The following SLCO1B1 variants were observed in gnomAD, a reference collection of about 807,000 sequenced individuals.
The protein encoded by SLCO1B1 is OATP-2.
Under a neutral mutation model 70.1 loss-of-function variants are expected in SLCO1B1, and 81 were observed. The ratio of observed to expected loss-of-function variants is 1.16; its 90% CI spans 0.97 to 1.39. The LOEUF (loss-of-function observed/expected upper bound fraction) is 1.39, where lower values mean the gene tolerates loss of function less well. Ranked by LOEUF, SLCO1B1 falls within the 40% of genes most tolerant of loss-of-function variation. The pLI is 0.00. For missense variants in SLCO1B1, 895 were observed against 799.6 expected (o/e 1.12, Z -1.44); for synonymous variants, 283 against 271.5 (o/e 1.04, Z -0.42).
At chr12:21,150,301 T>G (rs1940453768) in intron 2 of SLCO1B1, among the ~76,000 whole-genome samples, 1 of 152,166 alleles carries the variant, frequency 6.6e-6, no homozygotes, top group Admixed American at 6.5e-5. Context: ...CTGCTGGCTC[T>G]GAAGAGGGCA....
rs1941211145 is a variant in SLCO1B1, at chr12:21,205,990, G to A, written c.1454G>A (p.Cys485Tyr). The A allele has an allele frequency of 1.2e-6, 2 of 1,612,100 alleles. No individual in the cohort carries two copies. Among genetic ancestry groups the A allele is most frequent in the East Asian group, 4.5e-5 (2 of 44,792 alleles). The change falls in exon 11 of 15, where the codon TGT (cysteine) becomes TAT (tyrosine). Residue 485 changes from cysteine (C) to tyrosine (Y), a missense_variant. By Grantham distance (194) the Cys-to-Tyr change is radical. Transcript: ENST00000256958. ...AATGGAATAACTTACATCTCACCCT[G>A]TCTAGCAGGTTGCAAATCTTCAAGT... The part of the protein sequence containing the change: ...GNNGITYISP[C>Y]LAGCKSSSGN...
intron 2 of SLCO1B1, among the ~76,000 whole-genome samples, chr12:21,147,765 T>C (rs1451723325): frequency 3.9e-5 from 6 of 152,188 alleles, no homozygotes. Flanking sequence ...GTCTTTATAG[T>C]AGAATGATTT....
At position 21,164,378 on chromosome 12, in the gene SLCO1B1, C is replaced by A. The variant is rs561495176; in HGVS notation, c.85-8272C>A. 2.0e-5 allele frequency among the ~76,000 whole-genome samples: 3 copies of A among 152,252 alleles called. No individual in the cohort carries two copies. The South Asian group carries it at 6.2e-4, about 32-fold the overall frequency. Reference sequence around the variant, plus strand: ...AGTTATCCGAACTAGAAAACAAAATCAGAATTTACATTTTCTATTTTCCCC... The same window carrying A: ...AGTTATCCGAACTAGAAAACAAAATAAGAATTTACATTTTCTATTTTCCCC... On this transcript the variant is annotated intron_variant, in intron 2 of 14. Coordinates refer to ENST00000256958, the MANE Select transcript of SLCO1B1 (RefSeq NM_006446.5).
Position 21,200,636 on chromosome 12 carries a change from T to G in SLCO1B1, c.1099T>G (p.Tyr367Asp). ...TYVFKYVEQQ[Y>D]GQPSSKANIL... is the part of the protein sequence containing the mutation. ...TGTCTTCAAATACGTAGAGCAACAGTATGGTCAGCCTTCATCTAAGGCTAA... is the reference window on the plus strand; with the variant it reads ...TGTCTTCAAATACGTAGAGCAACAGGATGGTCAGCCTTCATCTAAGGCTAA... The change falls in exon 9 of 15, where the codon TAT becomes GAT. Residue 367 changes from tyrosine to aspartate, a missense_variant. Transcript: ENST00000256958. 2.5e-6 allele frequency: 4 copies of G among 1,612,534 alleles called. No individual in the cohort carries two copies. Among genetic ancestry groups the G allele is most frequent in the Non-Finnish European group, 3.4e-6 (4 of 1,179,110 alleles).
At chr12:21,136,956 G>T (rs117146092) in intron 1 of SLCO1B1, among the ~76,000 whole-genome samples, 382 of 152,166 alleles carry the variant, frequency 2.5e-3, no homozygotes, top group Non-Finnish European at 4.5e-3. Context: ...TCTCATCTTT[G>T]TGGTTTCATC....
At chr12:21,132,334 C>G (rs1940149385) in intron 1 of SLCO1B1, among the ~76,000 whole-genome samples, 1 of 152,112 alleles carries the variant, frequency 6.6e-6, no homozygotes, top group Non-Finnish European at 1.5e-5. Context: ...GATTTATAAT[C>G]CCTTGGGTAT....
At chr12:21,144,444 G>A (rs148971752) in intron 2 of SLCO1B1, among the ~76,000 whole-genome samples, 1 of 152,202 alleles carries the variant, frequency 6.6e-6, no homozygotes, top group African/African-American at 2.4e-5. Flanking sequence ...TGACTCATTG[G>A]CATTCCTGAA....
intron 8 of SLCO1B1, among the ~76,000 whole-genome samples, chr12:21,198,072 T>C (rs1475385560): frequency 1.3e-5 from 2 of 152,184 alleles, no homozygotes; most frequent in Non-Finnish European, 2.9e-5. Flanking sequence ...TCAAGTTTTC[T>C]TTAAAGTAAG....
At position 21,153,418 on chromosome 12, in the gene SLCO1B1, C is replaced by T. The variant is rs79902049; in HGVS notation, c.84+11760C>T. 7.5e-3 allele frequency among the ~76,000 whole-genome samples: 1,140 copies of T among 151,974 alleles called. 12 individuals carry two copies. Among genetic ancestry groups the T allele is most frequent in the African/African-American group, 0.026 (1,064 of 41,462 alleles). The stretch of plus-strand genomic sequence containing the variant: ...AGATTTTTCGTAATAAATTTTTTGC[C>T]AGTAATATTTGTCATAATTGCATTG... On this transcript the variant is annotated intron_variant, in intron 2 of 14. Coordinates refer to ENST00000256958, the MANE Select transcript of SLCO1B1 (RefSeq NM_006446.5).
At chr12:21,152,680 G>C (rs1241739166) in intron 2 of SLCO1B1, among the ~76,000 whole-genome samples, 1 of 151,684 alleles carries the variant, frequency 6.6e-6, no homozygotes, top group Admixed American at 6.6e-5. Flanking sequence ...GAATTGGCTG[G>C]AGCTGGGTAT....
At position 21,178,966 on chromosome 12, in the gene SLCO1B1, A is replaced by T; in HGVS notation, c.673A>T (p.Thr225Ser). The T allele has an allele frequency of 6.2e-7, 1 of 1,612,472 alleles. No individual in the cohort carries two copies. Among genetic ancestry groups the T allele is most frequent in the Non-Finnish European group, 8.5e-7 (1 of 1,178,872 alleles). ...IAMIGPIIGF[T>S]LGSLFSKMYV... The stretch of plus-strand genomic sequence containing the variant: ...AATGATTGGTCCAATCATTGGCTTT[A>T]CCCTGGGATCTCTGTTTTCTAAAAT... Residue 225 changes from threonine (T) to serine (S), a missense_variant, in exon 7 of 15, where the codon ACC becomes TCC. Thr to Ser is a moderately conservative substitution (Grantham distance 58). Coordinates refer to ENST00000256958, the MANE Select transcript of SLCO1B1 (RefSeq NM_006446.5).
chr12:21,222,988 C>T (rs891557361), intron 13 of SLCO1B1, among the ~76,000 whole-genome samples: 1 of 152,110 alleles, frequency 6.6e-6, no homozygotes, highest in Non-Finnish European at 1.5e-5. Context: ...TTCTTCCCTC[C>T]GTTCCGTTTT....
chr12:21,210,377 C>A lies in SLCO1B1; in HGVS notation c.1497+4344C>A, dbSNP rs1361873857. Among the ~76,000 whole-genome samples the A allele has an allele frequency of 7.4e-5, 9 of 121,368 alleles. No individual in the cohort carries two copies. The South Asian group carries it at 8.1e-4, about 11-fold the overall frequency. 79.6% of individuals were successfully genotyped at this position (121,368 alleles called of 152,430 possible). A position where few individuals can be genotyped will look rare whatever the true frequency, so the allele number is the denominator to read the frequency against. Reference sequence around the variant, plus strand: ...CAAAGATCAGATAGTTGTAGATATGCGGCATTATTTCTGAGGGCTCTGTTC... The same window carrying A: ...CAAAGATCAGATAGTTGTAGATATGAGGCATTATTTCTGAGGGCTCTGTTC... On this transcript the variant is annotated intron_variant, in intron 11 of 14. Transcript: ENST00000256958.
At chr12:21,190,300 C>A (rs766467412) in intron 7 of SLCO1B1, among the ~76,000 whole-genome samples, 1 of 152,152 alleles carries the variant, frequency 6.6e-6, no homozygotes, top group African/African-American at 2.4e-5. Flanking sequence ...TCCAGCCTTT[C>A]GGCATTATGT....
intron 8 of SLCO1B1, 37 bp from the exon 9 acceptor site, chr12:21,200,471 G>T (rs1941143529): frequency 1.5e-6 from 2 of 1,343,214 alleles, no homozygotes; most frequent in Admixed American, 4.5e-5. Flanking sequence ...TATTTAAGTT[G>T]CATTCAAATA....
chr12:21,173,238 C>G (rs1432429902), intron 3 of SLCO1B1, among the ~76,000 whole-genome samples: 1 of 152,142 alleles, frequency 6.6e-6, no homozygotes, highest in African/African-American at 2.4e-5. Flanking sequence ...AAAATCTTTC[C>G]TTTGAAATAC....
At chr12:21,132,988 C>G (rs1940164140) in intron 1 of SLCO1B1, among the ~76,000 whole-genome samples, 1 of 151,734 alleles carries the variant, frequency 6.6e-6, no homozygotes, top group Non-Finnish European at 1.5e-5. Context: ...AGTCTTTAAT[C>G]CATCTTGAAT....
chr12:21,226,660 GACCCAT>G (rs1251540191), intron 14 of SLCO1B1, among the ~76,000 whole-genome samples: 1 of 151,822 alleles, frequency 6.6e-6, no homozygotes, highest in Non-Finnish European at 1.5e-5. Context: ...CAAACCTATG[GACCCAT>G]ACCCATACAA....
intron 13 of SLCO1B1, among the ~76,000 whole-genome samples, chr12:21,223,682 T>C (rs1317827172): frequency 6.6e-6 from 1 of 152,050 alleles, no homozygotes; most frequent in East Asian, 1.9e-4. Flanking sequence ...AATTGTGATA[T>C]ATCAATCACT....
Sources: gnomAD v4.1 joint callset for allele counts (sites outside exome capture counted in the v4.1 genomes callset) on GRCh38, gnomAD v4.1.1 for gene constraint, MANE v1.5 for transcripts, NCBI Gene and HGNC (gene_info 2026-07-23, HGNC 2026-07-21) for gene names.